Variants in DGKG observed in about 807,000 individuals in gnomAD.
DGKG encodes DAG kinase gamma.
DGKG carries 78 observed loss-of-function variants against 105.3 expected under a neutral mutation model. The observed-to-expected ratio is 0.74, with a 90% confidence interval of 0.62 to 0.89. DGKG has a LOEUF of 0.89. DGKG is among the 40% of genes least tolerant of loss of function. The pLI is 0.00. For synonymous variants in DGKG, 346 were observed against 367.1 expected (o/e 0.94, Z 0.66); for missense variants, 958 against 1,020.1 (o/e 0.94, Z 0.83).
At chr3:186,225,542 A>G (rs1719817717) in intron 20 of DGKG, among the ~76,000 whole-genome samples, 2 of 152,150 alleles carry the variant, frequency 1.3e-5, no homozygotes, top group Non-Finnish European at 2.9e-5. Flanking sequence ...TTAAAATTGG[A>G]AAATTTTACA....
chr3:186,313,191 AAT>A lies in DGKG; in HGVS notation c.68-6216_68-6215del, dbSNP rs1209202381. On this transcript the variant is annotated intron_variant, in intron 2 of 24. Coordinates refer to ENST00000265022, the MANE Select transcript of DGKG (RefSeq NM_001346.3). ...GCCCCTTGCCTACAAACTGTGATTAAATGATCTGGGAGGTGTGGGCAGAACAT... is the reference window on the plus strand; with the variant it reads ...GCCCCTTGCCTACAAACTGTGATTAAGATCTGGGAGGTGTGGGCAGAACAT... 5.9e-5 allele frequency among the ~76,000 whole-genome samples: 9 copies of A among 152,340 alleles called. No homozygotes were observed. The East Asian group carries it at 1.7e-3, about 29-fold the overall frequency.
intron 1 of DGKG, among the ~76,000 whole-genome samples, chr3:186,328,602 G>A: frequency 6.8e-6 from 1 of 147,628 alleles, no homozygotes; most frequent in Non-Finnish European, 1.5e-5. Flanking sequence ...TTGAGATGGA[G>A]TTTTGCTCTG....
chr3:186,249,659 T>C (rs1172000418), intron 19 of DGKG, among the ~76,000 whole-genome samples: 1 of 152,144 alleles, frequency 6.6e-6, no homozygotes, highest in African/African-American at 2.4e-5. Context: ...CTGGCCAATG[T>C]GGTGAAACTC....
intron 9 of DGKG, among the ~76,000 whole-genome samples, chr3:186,277,429 G>A (rs1377834567): frequency 6.6e-6 from 1 of 152,226 alleles, no homozygotes; most frequent in Non-Finnish European, 1.5e-5. Context: ...GACTGAATGA[G>A]TAGTCAGACT....
chr3:186,185,950 T>A (rs934416440), intron 22 of DGKG, among the ~76,000 whole-genome samples: 3 of 151,254 alleles, frequency 2.0e-5, no homozygotes, highest in Non-Finnish European at 2.9e-5. Flanking sequence ...TAGAAAAAAG[T>A]AGCCGGGCGT....
intron 22 of DGKG, among the ~76,000 whole-genome samples, chr3:186,187,684 A>G (rs1717708344): frequency 6.6e-6 from 1 of 152,236 alleles, no homozygotes; most frequent in African/African-American, 2.4e-5. Flanking sequence ...GCTTAAGTAC[A>G]GACAGTGAAG....
intron 2 of DGKG, chr3:186,313,525 G>A: frequency 1.0e-5 from 10 of 985,336 alleles, no homozygotes; most frequent in Non-Finnish European, 9.6e-6. Flanking sequence ...TGAAGGTGGA[G>A]GAATGGATCA....
At chr3:186,253,589 T>G (rs991894906) in intron 17 of DGKG, among the ~76,000 whole-genome samples, 1 of 152,208 alleles carries the variant, frequency 6.6e-6, no homozygotes, top group Admixed American at 6.5e-5. Flanking sequence ...TTCAAGTAGC[T>G]GAAGAAACTG....
chr3:186,305,806 G>T (rs959611852), intron 3 of DGKG, among the ~76,000 whole-genome samples: 27 of 152,168 alleles, frequency 1.8e-4, no homozygotes, highest in Admixed American at 1.1e-3. Context: ...GAGGACAGAA[G>T]TTGATGATGA....
chr3:186,185,092 C>A (rs865928987), intron 22 of DGKG, among the ~76,000 whole-genome samples: 4 of 152,314 alleles, frequency 2.6e-5, no homozygotes, highest in African/African-American at 9.6e-5. Context: ...TGCCTCAAGT[C>A]ACACACTAGC....
intron 20 of DGKG, among the ~76,000 whole-genome samples, chr3:186,219,360 C>T (rs1719455307): frequency 6.6e-6 from 1 of 152,148 alleles, no homozygotes; most frequent in Admixed American, 6.5e-5. Flanking sequence ...TCTCACTGCT[C>T]ATCAGAACAG....
chr3:186,197,061 G>C (rs1045699527), intron 21 of DGKG, among the ~76,000 whole-genome samples: 13 of 152,204 alleles, frequency 8.5e-5, no homozygotes, highest in African/African-American at 3.1e-4. Flanking sequence ...TAGATAGAGG[G>C]AAAGAGAAGA....
chr3:186,194,471 A>G (rs956813328), intron 21 of DGKG, among the ~76,000 whole-genome samples: 1 of 152,194 alleles, frequency 6.6e-6, no homozygotes, highest in African/African-American at 2.4e-5. Flanking sequence ...TGTCGATCCT[A>G]TTTCTGAAGG....
At position 186,231,843 on chromosome 3, in the gene DGKG, C is replaced by T. The variant is rs1720167725; in HGVS notation, c.1826+10661G>A. 6.6e-6 allele frequency among the ~76,000 whole-genome samples: 1 copy of T among 152,196 alleles called. No individual in the cohort carries two copies. Among genetic ancestry groups the T allele is most frequent in the African/African-American group, 2.4e-5 (1 of 41,442 alleles). On this transcript the variant is annotated intron_variant, in intron 20 of 24. Transcript: ENST00000265022. This position sits in a 1 kb window ranked among gnomAD's most constrained non-coding sequence, Gnocchi z 4.5. ...GGCTGAGGCAGGAGAATTGCTTGAA[C>T]CCTGAAGGCGGCCATGTCAGTGAGC...
Position 186,279,886 on chromosome 3 carries a change from T to A in DGKG, c.757A>T (p.Ile253Phe). The A allele has an allele frequency of 6.2e-7, 1 of 1,614,024 alleles. No homozygotes were observed. Among genetic ancestry groups the A allele is most frequent in the Non-Finnish European group, 8.5e-7 (1 of 1,179,960 alleles). ...ATCCCCAGGAGGACCAGCAATGGGATGGTGGTCATCCCTCCATGGACCCAT... is the reference window on the plus strand; with the variant it reads ...ATCCCCAGGAGGACCAGCAATGGGAAGGTGGTCATCCCTCCATGGACCCAT... ...QEWVHGGMTT[I>F]PLLVLLGMDD... Residue 253 changes from isoleucine (I) to phenylalanine (F), a missense_variant, in exon 9 of 25, where the codon ATC (isoleucine) becomes TTC (phenylalanine). Physicochemically the swap from Ile to Phe is conservative, Grantham distance 21. This residue lies in a region of DGKG where 643 missense variants were observed against 619.5 expected (regional missense o/e 1.04). Coordinates refer to ENST00000265022, the MANE Select transcript of DGKG (RefSeq NM_001346.3).
chr3:186,312,122 C>CA (rs34286105), intron 2 of DGKG, among the ~76,000 whole-genome samples: 258 of 17,468 alleles, frequency 0.015, 108 homozygotes, highest in Non-Finnish European at 0.016. Flanking sequence ...GACTCCGTCT[C>CA]AAAAAAAAAA....
intron 6 of DGKG, among the ~76,000 whole-genome samples, chr3:186,286,473 C>T (rs547832855): frequency 1.3e-5 from 2 of 152,242 alleles, no homozygotes; most frequent in Admixed American, 6.5e-5. Context: ...CCTTCTTGTG[C>T]CTTCCTTCTA....
chr3:186,350,241 C>A (rs1313110016), intron 1 of DGKG, among the ~76,000 whole-genome samples: 1 of 152,200 alleles, frequency 6.6e-6, no homozygotes, highest in African/African-American at 2.4e-5. Context: ...TAAATGATAA[C>A]TACCCATCTT....
chr3:186,285,930 C>G lies in DGKG; in HGVS notation c.545-1221G>C, dbSNP rs192476100. Among the ~76,000 whole-genome samples, 278 of 152,282 alleles carry G rather than the reference C, an allele frequency of 1.8e-3. 4 individuals are homozygous for G. The highest frequency in any genetic ancestry group is 6.3e-3 in the African/African-American group (260 of 41,548). On this transcript the variant is annotated intron_variant, in intron 6 of 24. Transcript: ENST00000265022. Reference sequence around the variant, plus strand: ...CCGACCTCAGATGATCCGCCTGCCTCGGCCTGCCAAAGTGCTGGGATTACA... The same window carrying G: ...CCGACCTCAGATGATCCGCCTGCCTGGGCCTGCCAAAGTGCTGGGATTACA...
Sources: allele counts gnomAD v4.1 joint callset (sites outside exome capture counted in the v4.1 genomes callset), GRCh38; gene constraint gnomAD v4.1.1; regional missense constraint gnomAD v4.1.1; non-coding constraint Gnocchi (gnomAD v3.1); transcripts MANE v1.5; gene names NCBI Gene and HGNC (gene_info 2026-07-23, HGNC 2026-07-21).